Variants in CSMD1 observed in about 807,000 individuals in gnomAD.
CSMD1 encodes the protein CUB and Sushi multiple domains 1.
Under a neutral mutation model 417.5 loss-of-function variants are expected in CSMD1, and 213 were observed. That is an observed-to-expected ratio of 0.51 (90% CI 0.46 to 0.57). The LOEUF (loss-of-function observed/expected upper bound fraction) is 0.57. Among genes scored for constraint, CSMD1 ranks in the 20% least tolerant of loss-of-function variants. CSMD1 has a pLI of 0.00. For missense variants in CSMD1, 6,923 were observed against 4,529.7 expected (o/e 1.53, Z -15.17); for synonymous variants, 2,862 against 1,736.8 (o/e 1.65, Z -16.11).
At chr8:3,563,014 A>G (rs931583808) in intron 10 of CSMD1, among the ~76,000 whole-genome samples, 3 of 152,108 alleles carry the variant, frequency 2.0e-5, no homozygotes, top group Admixed American at 6.6e-5. Context: ...AGTCAAAGAG[A>G]AAGTAGAAGC....
Position 2,954,259 on chromosome 8 carries a change from A to G in CSMD1, c.10004T>C (p.Val3335Ala). The change falls in exon 65 of 70, where the codon GTG becomes GCG. Residue 3335 changes from valine (V) to alanine (A), a missense_variant. Physicochemically the swap from Val to Ala is moderately conservative, Grantham distance 64. Coordinates refer to ENST00000635120, the MANE Select transcript of CSMD1 (RefSeq NM_033225.6). ...AGTAACTGTTTCATTAACTTCTCTC[A>G]CTCCTTTACCTACAAGTAAAAAGAC... ...GKSPVCKSKG[V>A]REVNETVTKT... 6.7e-7 allele frequency: 1 copy of G among 1,488,476 alleles called. No individual in the cohort carries two copies. Among genetic ancestry groups the G allele is most frequent in the Non-Finnish European group, 9.1e-7 (1 of 1,096,852 alleles). The allele number at this position is 1,488,476 out of a possible 1,614,324, so 92.2% of individuals were successfully genotyped here. A position where few individuals can be genotyped will look rare whatever the true frequency, so the allele number is the denominator to read the frequency against.
At chr8:4,474,937 C>T (rs779897867) in intron 2 of CSMD1, among the ~76,000 whole-genome samples, 19 of 152,174 alleles carry the variant, frequency 1.2e-4, no homozygotes, top group South Asian at 6.2e-4. Context: ...TGTTAATTGA[C>T]GGTTTGTGTT....
At chr8:3,499,791 G>T (rs7012083) in intron 10 of CSMD1, among the ~76,000 whole-genome samples, 5 of 151,746 alleles carry the variant, frequency 3.3e-5, no homozygotes, top group African/African-American at 4.8e-5. Flanking sequence ...GTGGGATGAT[G>T]GCTGCGTTCT....
At chr8:3,256,667 C>A (rs1012448677) in intron 26 of CSMD1, among the ~76,000 whole-genome samples, 1 of 152,218 alleles carries the variant, frequency 6.6e-6, no homozygotes, top group African/African-American at 2.4e-5. Context: ...ACCCACACTT[C>A]CAGAACTGGA....
intron 1 of CSMD1, among the ~76,000 whole-genome samples, chr8:4,917,135 G>A (rs1404576075): frequency 6.6e-6 from 1 of 152,194 alleles, no homozygotes; most frequent in Admixed American, 6.5e-5. Flanking sequence ...GGAAGGGAAA[G>A]GGAAAGTTGG....
chr8:3,591,976 T>C (rs529117871), intron 8 of CSMD1, among the ~76,000 whole-genome samples: 23 of 152,044 alleles, frequency 1.5e-4, no homozygotes, highest in African/African-American at 5.1e-4. Context: ...GATGGAAAGA[T>C]AGATTGATAG....
chr8:3,545,630 T>G (rs61710817), intron 10 of CSMD1, among the ~76,000 whole-genome samples: 2 of 152,188 alleles, frequency 1.3e-5, no homozygotes, highest in Non-Finnish European at 2.9e-5. Context: ...AGTTGAGCAA[T>G]TCAGGTGCAT....
At chr8:3,377,224 C>G (rs900651720) in intron 18 of CSMD1, among the ~76,000 whole-genome samples, 1 of 152,122 alleles carries the variant, frequency 6.6e-6, no homozygotes, top group African/African-American at 2.4e-5. Context: ...GTTGCCCAGG[C>G]TGGCCTCGAA....
At chr8:4,642,611 T>G (rs1425323142) in intron 1 of CSMD1, among the ~76,000 whole-genome samples, 1 of 152,138 alleles carries the variant, frequency 6.6e-6, no homozygotes, top group African/African-American at 2.4e-5. Context: ...CTGGGCTGGG[T>G]GGGCATTCTC....
rs528463856 is a variant in CSMD1 at position 4,385,526 on chromosome 8, T to C, written c.415+34427A>G. ...TACCGTATTAGTAGTCTTAAGAATA[T>C]TAATCTCCTTTCATTTTTTTGGACT... On this transcript the variant is annotated intron_variant, in intron 3 of 69. Coordinates refer to ENST00000635120, the MANE Select transcript of CSMD1 (RefSeq NM_033225.6). 3.3e-5 allele frequency among the ~76,000 whole-genome samples: 5 copies of C among 152,330 alleles called. No individual in the cohort carries two copies. The South Asian group carries it at 1.0e-3, about 32-fold the overall frequency.
intron 38 of CSMD1, among the ~76,000 whole-genome samples, chr8:3,161,051 A>G (rs915540781): frequency 1.3e-5 from 2 of 152,234 alleles, no homozygotes; most frequent in Non-Finnish European, 2.9e-5. Flanking sequence ...TTATAAACAT[A>G]CAGCTAAAAT....
chr8:4,756,950 C>T (rs1396674648), intron 1 of CSMD1, among the ~76,000 whole-genome samples: 1 of 152,184 alleles, frequency 6.6e-6, no homozygotes, highest in Non-Finnish European at 1.5e-5. Context: ...TAAAAGAAAC[C>T]TGTTCAAACA....
intron 5 of CSMD1, among the ~76,000 whole-genome samples, chr8:3,914,112 G>A (rs181963284): frequency 5.3e-5 from 8 of 152,136 alleles, no homozygotes; most frequent in Non-Finnish European, 1.0e-4. Flanking sequence ...CTTGTCTTCA[G>A]CGTTAGAATT....
chr8:3,815,022 T>A (rs998833028), intron 5 of CSMD1, among the ~76,000 whole-genome samples: 1 of 152,182 alleles, frequency 6.6e-6, no homozygotes. Flanking sequence ...GAGACTAAAC[T>A]AAGCAATGGT....
chr8:4,469,443 T>G (rs954949901), intron 2 of CSMD1, among the ~76,000 whole-genome samples: 1 of 152,212 alleles, frequency 6.6e-6, no homozygotes, highest in Non-Finnish European at 1.5e-5. Context: ...GACTGCAAAT[T>G]GTGTTATTGG....
intron 47 of CSMD1, among the ~76,000 whole-genome samples, chr8:3,095,841 CT>C (rs1815257026): frequency 6.6e-6 from 1 of 152,154 alleles, no homozygotes; most frequent in South Asian, 2.1e-4. Context: ...CCACATATTA[CT>C]TTTAATCATA....
At chr8:3,472,940 T>C (rs1279729655) in intron 11 of CSMD1, among the ~76,000 whole-genome samples, 1 of 152,030 alleles carries the variant, frequency 6.6e-6, no homozygotes, top group Non-Finnish European at 1.5e-5. Flanking sequence ...CACTGTTTTC[T>C]CCCCATTTCC....
At chr8:4,844,312 G>C (rs1045859811) in intron 1 of CSMD1, among the ~76,000 whole-genome samples, 6 of 152,124 alleles carry the variant, frequency 3.9e-5, no homozygotes, top group East Asian at 1.9e-4. Flanking sequence ...TCAGTAGATA[G>C]TGCCGTTATT....
chr8:4,484,883 G>C (rs1164904140), intron 2 of CSMD1, among the ~76,000 whole-genome samples: 2 of 150,534 alleles, frequency 1.3e-5, no homozygotes, highest in Non-Finnish European at 2.9e-5. Flanking sequence ...TGAGGCGGGA[G>C]AATGGCGTGA....
Sources: allele counts gnomAD v4.1 joint callset (sites outside exome capture counted in the v4.1 genomes callset), GRCh38; gene constraint gnomAD v4.1.1; transcripts MANE v1.5; gene names NCBI Gene and HGNC (gene_info 2026-07-23, HGNC 2026-07-21).